CNBD1: variants seen among roughly 807,000 people sequenced by gnomAD.
CNBD1 encodes the protein cyclic nucleotide binding domain containing 1, also known as cyclic nucleotide-binding domain-containing protein 1.
CNBD1 carries 71 observed loss-of-function variants against 54.4 expected under a neutral mutation model. That is an observed-to-expected ratio of 1.30 (90% CI 1.08 to 1.59). CNBD1 has a LOEUF of 1.59. Ranked by LOEUF, CNBD1 falls within the 40% of genes most tolerant of loss-of-function variation. CNBD1 has a pLI of 0.00. For synonymous variants in CNBD1, 182 were observed against 170.7 expected (o/e 1.07, Z -0.51); for missense variants, 659 against 518.0 (o/e 1.27, Z -2.64).
At chr8:87,130,313 A>G (rs774594880) in intron 4 of CNBD1, among the ~76,000 whole-genome samples, 11 of 152,192 alleles carry the variant, frequency 7.2e-5, no homozygotes, top group Non-Finnish European at 1.3e-4. Flanking sequence ...GACTTATTTT[A>G]TGGTTCAACA....
intron 2 of CNBD1, among the ~76,000 whole-genome samples, chr8:87,396,140 G>A (rs563098028): frequency 2.6e-5 from 4 of 151,972 alleles, no homozygotes; most frequent in South Asian, 4.1e-4. Context: ...GTATAGAAGA[G>A]GAAATATTTG....
At chr8:87,360,542 T>G (rs1007540791) in intron 10 of CNBD1, among the ~76,000 whole-genome samples, 1 of 151,892 alleles carries the variant, frequency 6.6e-6, no homozygotes, top group African/African-American at 2.4e-5. Context: ...GCAGAGCTTA[T>G]TACTCAAGTC....
intron 1 of CNBD1, among the ~76,000 whole-genome samples, chr8:86,887,102 G>A (rs1367221743): frequency 6.6e-6 from 1 of 152,156 alleles, no homozygotes; most frequent in African/African-American, 2.4e-5. Flanking sequence ...ACCTGCGTAG[G>A]ATTGAATAGG....
intron 1 of CNBD1, among the ~76,000 whole-genome samples, chr8:86,867,795 A>G (rs1808385593): frequency 6.6e-6 from 1 of 152,192 alleles, no homozygotes; most frequent in Admixed American, 6.5e-5. Flanking sequence ...TAAAAGATCA[A>G]ATTAATTTAG....
chr8:87,037,612 A>G (rs1191735341), intron 4 of CNBD1, among the ~76,000 whole-genome samples: 2 of 152,082 alleles, frequency 1.3e-5, no homozygotes, highest in Non-Finnish European at 2.9e-5. Flanking sequence ...TTATACTTCT[A>G]CCAAAATTTT....
At chr8:87,261,468 T>A (rs1808138716) in intron 6 of CNBD1, among the ~76,000 whole-genome samples, 1 of 143,880 alleles carries the variant, frequency 7.0e-6, no homozygotes, top group Non-Finnish European at 1.5e-5. Flanking sequence ...AGCCCCAGAA[T>A]CACAGTGGAT....
chr8:87,340,872 C>T (rs59913513), intron 8 of CNBD1, among the ~76,000 whole-genome samples: 7,743 of 151,628 alleles, frequency 0.051, 642 homozygotes, highest in African/African-American at 0.18. Context: ...ACTCCTATAC[C>T]GCCATTTCTT....
rs759846659 is a variant in CNBD1 at position 87,139,089 on chromosome 8, A to C, written c.432-66904A>C. On this transcript the variant is annotated intron_variant, in intron 4 of 10. Transcript: ENST00000518476. The stretch of plus-strand genomic sequence containing the variant: ...TTCAAATTCTTGTTCTTGTTGTGAA[A>C]GGATGATATTGTGAAGGTGTACACC... Among the ~76,000 whole-genome samples the C allele has an allele frequency of 1.4e-3, 213 of 152,174 alleles. 1 individual carries two copies. The highest frequency in any genetic ancestry group is 2.1e-3 in the Non-Finnish European group (141 of 68,034).
chr8:87,095,880 G>A (rs1017818135), intron 4 of CNBD1, among the ~76,000 whole-genome samples: 3 of 152,138 alleles, frequency 2.0e-5, no homozygotes, highest in Non-Finnish European at 4.4e-5. Context: ...GGATGGTCTC[G>A]ATCTCCTGAC....
At chr8:87,142,429 C>T (rs764325683) in intron 4 of CNBD1, among the ~76,000 whole-genome samples, 14 of 151,958 alleles carry the variant, frequency 9.2e-5, no homozygotes, top group Non-Finnish European at 2.1e-4. Context: ...TATTTAGTTA[C>T]GAGATTTAAG....
chr8:86,926,340 G>A (rs1809360941), intron 3 of CNBD1, among the ~76,000 whole-genome samples: 1 of 152,130 alleles, frequency 6.6e-6, no homozygotes, highest in South Asian at 2.1e-4. Flanking sequence ...CCAGTCAAAG[G>A]GCCAGTGGGT....
chr8:87,191,552 T>C (rs1813610209), intron 4 of CNBD1, among the ~76,000 whole-genome samples: 1 of 152,152 alleles, frequency 6.6e-6, no homozygotes, highest in Non-Finnish European at 1.5e-5. Flanking sequence ...ACCTGTCAAC[T>C]TTTTTTCTTA....
chr8:87,417,487 C>T (rs1807856567), intron 2 of CNBD1, among the ~76,000 whole-genome samples: 2 of 152,042 alleles, frequency 1.3e-5, no homozygotes, highest in South Asian at 4.2e-4. Context: ...AAAATCACCC[C>T]CTGGGAAATT....
intron 6 of CNBD1, among the ~76,000 whole-genome samples, chr8:87,276,652 A>G (rs999638924): frequency 8.6e-5 from 13 of 151,886 alleles, no homozygotes; most frequent in Admixed American, 7.3e-4. Context: ...GAGAACAACT[A>G]TAAAAGCTGA....
intron 2 of CNBD1, among the ~76,000 whole-genome samples, chr8:87,408,000 G>C (rs1354488887): frequency 1.3e-5 from 2 of 151,774 alleles, no homozygotes; most frequent in Non-Finnish European, 2.9e-5. Context: ...AATTCTTTTT[G>C]TTTTATGAAT....
chr8:87,007,594 A>G (rs1017964401), intron 4 of CNBD1, among the ~76,000 whole-genome samples: 2 of 152,046 alleles, frequency 1.3e-5, no homozygotes, highest in Non-Finnish European at 2.9e-5. Flanking sequence ...GTATTTCATC[A>G]CCTGAATAAA....
chr8:87,023,490 A>G (rs911304784), intron 4 of CNBD1, among the ~76,000 whole-genome samples: 2 of 151,982 alleles, frequency 1.3e-5, no homozygotes, highest in Non-Finnish European at 2.9e-5. Flanking sequence ...TTATTTCCTT[A>G]TCTGTAGAGA....
intron 4 of CNBD1, among the ~76,000 whole-genome samples, chr8:87,068,982 C>G (rs1810708783): frequency 6.6e-6 from 1 of 151,990 alleles, no homozygotes; most frequent in African/African-American, 2.4e-5. Flanking sequence ...CTATCTTGAA[C>G]AAAACTGCAT....
intron 8 of CNBD1, among the ~76,000 whole-genome samples, chr8:87,315,315 T>C (rs890382105): frequency 6.6e-6 from 1 of 152,090 alleles, no homozygotes; most frequent in East Asian, 1.9e-4. Flanking sequence ...TTCTTACCTC[T>C]GGTATCTCTG....
Sources: gnomAD v4.1 joint callset for allele counts (sites outside exome capture counted in the v4.1 genomes callset) on GRCh38, gnomAD v4.1.1 for gene constraint, MANE v1.5 for transcripts, NCBI Gene and HGNC (gene_info 2026-07-23, HGNC 2026-07-21) for gene names.